AGAP1: variants seen among roughly 807,000 people sequenced by gnomAD.
The protein encoded by AGAP1 is arf-GAP with GTPase, ANK repeat and PH domain-containing protein 1.
AGAP1 carries 29 observed loss-of-function variants against 105.3 expected under a neutral mutation model. The ratio of observed to expected loss-of-function variants is 0.28; its 90% CI spans 0.21 to 0.38. The LOEUF is 0.38. Among genes scored for constraint, AGAP1 ranks in the 10% least tolerant of loss-of-function variants. The pLI is 1.00. For synonymous variants in AGAP1, 509 were observed against 485.9 expected, an observed-to-expected ratio of 1.05 and a Z score of -0.63; for missense variants, 998 against 1,165.1, an observed-to-expected ratio of 0.86 and a Z score of 2.09.
At chr2:235,594,722 C>A (rs1370755571) in intron 1 of AGAP1, among the ~76,000 whole-genome samples, 1 of 151,792 alleles carries the variant, frequency 6.6e-6, no homozygotes, top group Non-Finnish European at 1.5e-5. Flanking sequence ...CAGATGCATG[C>A]CACCACACCC....
At chr2:235,749,517 A>G (rs900927068) in intron 5 of AGAP1, among the ~76,000 whole-genome samples, 4 of 152,022 alleles carry the variant, frequency 2.6e-5, no homozygotes, top group Non-Finnish European at 5.9e-5. Flanking sequence ...GGGTCCATCA[A>G]AACCTCAGGG....
intron 13 of AGAP1, among the ~76,000 whole-genome samples, chr2:236,022,535 C>A (rs983441561): frequency 1.3e-5 from 2 of 152,154 alleles, no homozygotes; most frequent in African/African-American, 4.8e-5. Context: ...TGCCTACAGT[C>A]TTTGTCTTTT....
chr2:236,097,657 G>A (rs1259008089), intron 16 of AGAP1, among the ~76,000 whole-genome samples: 3 of 152,030 alleles, frequency 2.0e-5, no homozygotes, highest in Non-Finnish European at 4.4e-5. Context: ...CACTTTGGGA[G>A]GCCAAGGTGG....
chr2:235,709,224 C>G lies in AGAP1; in HGVS notation c.209C>G (p.Pro70Arg), dbSNP rs139445824. Residue 70 changes from proline (P) to arginine (R), a missense_variant, in exon 2 of 18, where the codon CCG (proline) becomes CGG (arginine). Physicochemically the swap from Pro to Arg is moderately radical, Grantham distance 103. Coordinates refer to ENST00000304032, the MANE Select transcript of AGAP1 (RefSeq NM_001037131.3). Reference protein sequence around the residue: ...SQEWTLSRSVPELKVGIVGNL... With the variant: ...SQEWTLSRSVRELKVGIVGNL... ...GAATGGACGCTGAGTCGATCTGTCC[C>G]GGAGCTCAAAGTGGTGAGTGGTTCC... 6.2e-7 allele frequency: 1 copy of G among 1,614,082 alleles called. No individual in the cohort carries two copies. Among genetic ancestry groups the G allele is most frequent in the Admixed American group, 1.7e-5 (1 of 60,010 alleles).
chr2:235,826,979 T>C (rs1959105113), intron 9 of AGAP1, among the ~76,000 whole-genome samples: 1 of 152,126 alleles, frequency 6.6e-6, no homozygotes, highest in South Asian at 2.1e-4. Flanking sequence ...ATACGGTGGC[T>C]CCGCGTGTTG....
At chr2:235,938,639 A>G (rs1332289967) in intron 12 of AGAP1, among the ~76,000 whole-genome samples, 1 of 152,216 alleles carries the variant, frequency 6.6e-6, no homozygotes, top group Non-Finnish European at 1.5e-5. Flanking sequence ...TGTCTGCAGA[A>G]ACGCTGTCAA....
Position 236,076,899 on chromosome 2 carries a change from A to T in AGAP1, c.2114+27618A>T, listed in dbSNP as rs1414910715. Among the ~76,000 whole-genome samples the T allele has an allele frequency of 1.3e-5, 2 of 151,558 alleles. No homozygotes were observed. Among genetic ancestry groups the T allele is most frequent in the Non-Finnish European group, 2.9e-5 (2 of 67,904 alleles). ...GGTGGGCAGATTGCTTGAGCCTAGGAGTTCAAGACCAGCCAGGGCAACATG... is the reference window on the plus strand; with the variant it reads ...GGTGGGCAGATTGCTTGAGCCTAGGTGTTCAAGACCAGCCAGGGCAACATG... On this transcript the variant is annotated intron_variant, in intron 16 of 17. Coordinates refer to ENST00000304032, the MANE Select transcript of AGAP1 (RefSeq NM_001037131.3). This position sits in a 1 kb window ranked among gnomAD's most constrained non-coding sequence, Gnocchi z 4.4.
chr2:235,960,047 G>A lies in AGAP1; in HGVS notation c.1484-8415G>A, dbSNP rs1018044943. Among the ~76,000 whole-genome samples the A allele has an allele frequency of 6.6e-5, 10 of 152,142 alleles. No homozygotes were observed. Among genetic ancestry groups the A allele is most frequent in the African/African-American group, 1.9e-4 (8 of 41,450 alleles). ...GCAGGAGAACGCAGTGGGCAGAGAC[G>A]CACCCTGCCCTGCCTGCAGCATGGC... On this transcript the variant is annotated intron_variant, in intron 12 of 17. Transcript: ENST00000304032. The surrounding 1 kb of genome is among the most constrained non-coding windows in gnomAD (Gnocchi z 4.9).
At position 235,842,153 on chromosome 2, in the gene AGAP1, G is replaced by T. The variant is rs1255645094; in HGVS notation, c.1050+34822G>T. On this transcript the variant is annotated intron_variant, in intron 9 of 17. Transcript: ENST00000304032. This position sits in a 1 kb window ranked among gnomAD's most constrained non-coding sequence, Gnocchi z 5.3. ...TGGCGTTGGGCTTCCTCCGCTCCTG[G>T]TTTCTTAGTTCTGGAGCACAGACTC... 1.3e-5 allele frequency among the ~76,000 whole-genome samples: 2 copies of T among 152,198 alleles called. No homozygotes were observed. Among genetic ancestry groups the T allele is most frequent in the Non-Finnish European group, 2.9e-5 (2 of 68,036 alleles).
intron 9 of AGAP1, among the ~76,000 whole-genome samples, chr2:235,816,632 T>G (rs1017170003): frequency 6.6e-6 from 1 of 151,092 alleles, no homozygotes; most frequent in African/African-American, 2.4e-5. Context: ...GGCTCACGCC[T>G]GTCATGTCAG....
At chr2:235,818,362 T>G (rs1958582036) in intron 9 of AGAP1, among the ~76,000 whole-genome samples, 1 of 152,208 alleles carries the variant, frequency 6.6e-6, no homozygotes, top group Admixed American at 6.5e-5. Flanking sequence ...AGGAGTCCTC[T>G]CTGAAACATT....
chr2:235,651,451 C>T (rs746643123), intron 1 of AGAP1, among the ~76,000 whole-genome samples: 5 of 152,104 alleles, frequency 3.3e-5, no homozygotes, highest in African/African-American at 4.8e-5. Flanking sequence ...ATGGTTATTC[C>T]TGATGTTTAA....
At chr2:236,043,760 TAAAG>T (rs1432214050) in intron 15 of AGAP1, among the ~76,000 whole-genome samples, 7 of 150,982 alleles carry the variant, frequency 4.6e-5, no homozygotes, top group South Asian at 4.2e-4. Flanking sequence ...TTAATTGAGA[TAAAG>T]AAACTTCATA....
At position 235,692,359 on chromosome 2, in the gene AGAP1, G is replaced by C. The variant is rs1038496670; in HGVS notation, c.164-16820G>C. On this transcript the variant is annotated intron_variant, in intron 1 of 17. Transcript: ENST00000304032. The surrounding 1 kb of genome is among the most constrained non-coding windows in gnomAD (Gnocchi z 5.8). Reference sequence around the variant, plus strand: ...TCTCCAGCACTGGGCCGTCCACTTTGCTCCTTTGTGCCTGCACTGCCAGGT... The same window carrying C: ...TCTCCAGCACTGGGCCGTCCACTTTCCTCCTTTGTGCCTGCACTGCCAGGT... 6.6e-6 allele frequency among the ~76,000 whole-genome samples: 1 copy of C among 152,062 alleles called. No individual in the cohort carries two copies. The highest frequency in any genetic ancestry group is 1.5e-5 in the Non-Finnish European group (1 of 68,018).
rs999436933 is a variant in AGAP1, at chr2:235,816,245, G to C, written c.1050+8914G>C. On this transcript the variant is annotated intron_variant, in intron 9 of 17. Transcript: ENST00000304032. ...GAGGTCAGGAGATCGAGACCATCCT[G>C]ACTAACATGGTAAAACCCCCGTCTC... Among the ~76,000 whole-genome samples, 4 of 151,612 alleles carry C rather than the reference G, an allele frequency of 2.6e-5. No individual in the cohort carries two copies. The South Asian group carries it at 8.3e-4, about 31-fold the overall frequency.
rs192841715 is a variant in AGAP1, at chr2:236,101,425, C to T, written c.2115-18767C>T. On this transcript the variant is annotated intron_variant, in intron 16 of 17. Coordinates refer to ENST00000304032, the MANE Select transcript of AGAP1 (RefSeq NM_001037131.3). This position sits in a 1 kb window ranked among gnomAD's most constrained non-coding sequence, Gnocchi z 4.9. ...GTGTCGCCGTGTCATAGCCTGCGAC[C>T]TTCTCTTTCTCAGGTTTGACAGCCA... Among the ~76,000 whole-genome samples, 1 of 152,278 alleles carries T rather than the reference C, an allele frequency of 6.6e-6. No homozygotes were observed. Among genetic ancestry groups the T allele is most frequent in the Non-Finnish European group, 1.5e-5 (1 of 68,030 alleles).
chr2:235,637,751 A>G (rs550436616), intron 1 of AGAP1, among the ~76,000 whole-genome samples: 1 of 152,222 alleles, frequency 6.6e-6, no homozygotes, highest in South Asian at 2.1e-4. Context: ...GAGGTCTGTT[A>G]GGGGAATTGG....
At chr2:235,847,924 A>G (rs1382199995) in intron 9 of AGAP1, among the ~76,000 whole-genome samples, 3 of 152,220 alleles carry the variant, frequency 2.0e-5, no homozygotes, top group Non-Finnish European at 2.9e-5. Context: ...CCAGGGTTAT[A>G]AAGTCCTATG....
At chr2:235,910,029 A>C (rs1012838922) in intron 11 of AGAP1, among the ~76,000 whole-genome samples, 2 of 147,116 alleles carry the variant, frequency 1.4e-5, no homozygotes, top group Non-Finnish European at 3.0e-5. Context: ...AAAAAAAAAA[A>C]CAGATTTCTC....
Sources: gnomAD v4.1 joint callset for allele counts (sites outside exome capture counted in the v4.1 genomes callset) on GRCh38, gnomAD v4.1.1 for gene constraint, Gnocchi (gnomAD v3.1) non-coding constraint, MANE v1.5 for transcripts, NCBI Gene and HGNC (gene_info 2026-07-23, HGNC 2026-07-21) for gene names.